The following FLT3 variants were observed in gnomAD, a reference collection of about 807,000 sequenced individuals.
FLT3 encodes fms related receptor tyrosine kinase 3.
FLT3 carries 46 observed loss-of-function variants against 126.6 expected under a neutral mutation model. That is an observed-to-expected ratio of 0.36 (90% CI 0.29 to 0.46). The LOEUF (loss-of-function observed/expected upper bound fraction) is 0.46. Among genes scored for constraint, FLT3 ranks in the 20% least tolerant of loss-of-function variants. The pLI is 1.00. For missense variants in FLT3, 1,069 were observed against 1,190.3 expected (o/e 0.90, Z 1.50); for synonymous variants, 404 against 434.4 (o/e 0.93, Z 0.87).
intron 23 of FLT3, among the ~76,000 whole-genome samples, chr13:28,008,275 C>CAAA (rs11409962): frequency 3.9e-3 from 336 of 86,264 alleles, no homozygotes; most frequent in Middle Eastern, 6.1e-3. Context: ...GAACCTGTCT[C>CAAA]AAAAAAAAAA....
chr13:28,016,214 C>G (rs938222969), intron 20 of FLT3, among the ~76,000 whole-genome samples: 1 of 152,048 alleles, frequency 6.6e-6, no homozygotes, highest in Non-Finnish European at 1.5e-5. Flanking sequence ...TAGTCTCAGA[C>G]TAGAATCAAG....
At chr13:28,085,460 G>T (rs1352405501) in intron 1 of FLT3, among the ~76,000 whole-genome samples, 4 of 151,808 alleles carry the variant, frequency 2.6e-5, no homozygotes, top group African/African-American at 9.7e-5. Flanking sequence ...TGACAATGCT[G>T]TTCAAGTCTT....
chr13:28,009,726 A>G (rs1871204492), intron 23 of FLT3, among the ~76,000 whole-genome samples: 1 of 151,766 alleles, frequency 6.6e-6, no homozygotes, highest in African/African-American at 2.4e-5. Flanking sequence ...ACGCCTGGCT[A>G]ATTTTCAAAT....
At chr13:28,022,428 C>T (rs1025809060) in intron 19 of FLT3, among the ~76,000 whole-genome samples, 3 of 152,042 alleles carry the variant, frequency 2.0e-5, no homozygotes, top group Non-Finnish European at 4.4e-5. Flanking sequence ...ATGAGAATTG[C>T]TTGAACCCAG....
At chr13:28,019,256 C>T (rs766260599) in intron 19 of FLT3, among the ~76,000 whole-genome samples, 31 of 152,250 alleles carry the variant, frequency 2.0e-4, no homozygotes, top group Middle Eastern at 3.4e-3. Context: ...CGTGAGCCAC[C>T]GCGCCTGGCC....
chr13:28,094,266 C>A (rs1468489206), intron 1 of FLT3, among the ~76,000 whole-genome samples: 1 of 152,044 alleles, frequency 6.6e-6, no homozygotes, highest in Non-Finnish European at 1.5e-5. Flanking sequence ...ATTCCAAGAC[C>A]GAATTCAGTG....
intron 1 of FLT3, among the ~76,000 whole-genome samples, chr13:28,096,888 A>G (rs1030037044): frequency 2.0e-5 from 3 of 152,086 alleles, no homozygotes; most frequent in Non-Finnish European, 4.4e-5. Context: ...AAGTTCCCCT[A>G]CCTCCATCTC....
chr13:28,096,219 A>G (rs1190683799), intron 1 of FLT3, among the ~76,000 whole-genome samples: 6 of 151,952 alleles, frequency 3.9e-5, no homozygotes, highest in Admixed American at 3.3e-4. Context: ...GTCGGGTGTC[A>G]TGGTGCATGC....
At position 28,093,227 on chromosome 13, in the gene FLT3, C is replaced by CT. The variant is rs779080122; in HGVS notation, c.43+7240dup. Among the ~76,000 whole-genome samples the CT allele has an allele frequency of 8.2e-3, 1,181 of 143,204 alleles. 8 individuals are homozygous for CT. Among genetic ancestry groups the CT allele is most frequent in the Non-Finnish European group, 0.011 (735 of 64,992 alleles). The allele number at this position is 143,204 out of a possible 152,430, so 93.9% of individuals were successfully genotyped here. On this transcript the variant is annotated intron_variant, in intron 1 of 23. Coordinates refer to ENST00000241453, the MANE Select transcript of FLT3 (RefSeq NM_004119.3). ...AGGTGTTAGCCACCACACCTGGCCTCTTTTTTTTTTTTTAATTAGAGATGG... is the reference window on the plus strand; with the variant it reads ...AGGTGTTAGCCACCACACCTGGCCTCTTTTTTTTTTTTTTAATTAGAGATGG...
chr13:28,070,437 A>C (rs1877399087), intron 2 of FLT3, 54 bp downstream of exon 2: 1 of 1,513,516 alleles, frequency 6.6e-7, no homozygotes, highest in Non-Finnish European at 9.1e-7. Flanking sequence ...ATAACTTACA[A>C]ATTACGTTCT....
At chr13:28,011,600 G>A (rs79904397) in intron 23 of FLT3, among the ~76,000 whole-genome samples, 5,289 of 149,558 alleles carry the variant, frequency 0.035, 278 homozygotes, top group African/African-American at 0.12. Context: ...GAGGCAGGCT[G>A]CATGAGCCCT....
chr13:28,019,852 G>A (rs1192289302), intron 19 of FLT3, among the ~76,000 whole-genome samples: 1 of 152,106 alleles, frequency 6.6e-6, no homozygotes, highest in Non-Finnish European at 1.5e-5. Context: ...GCCGGCTCCT[G>A]TCTCCCTCAG....
At chr13:28,096,720 TCGCA>T (rs770662754) in intron 1 of FLT3, among the ~76,000 whole-genome samples, 117 of 152,240 alleles carry the variant, frequency 7.7e-4, no homozygotes, top group Non-Finnish European at 1.2e-3. Context: ...GCATGAGCCA[TCGCA>T]CCCAGCCAGA....
intron 1 of FLT3, among the ~76,000 whole-genome samples, chr13:28,090,973 G>C (rs1476866018): frequency 6.6e-6 from 1 of 152,050 alleles, no homozygotes; most frequent in Non-Finnish European, 1.5e-5. Flanking sequence ...ACAGTACTGG[G>C]ATGGGGGTGG....
chr13:28,079,766 A>G (rs376822548), intron 1 of FLT3, among the ~76,000 whole-genome samples: 2 of 152,244 alleles, frequency 1.3e-5, no homozygotes, highest in African/African-American at 4.8e-5. Flanking sequence ...ACCAGCCCCC[A>G]CGATTCAATT....
intron 23 of FLT3, 37 bp downstream of exon 23, chr13:28,014,415 C>T (rs1346809481): frequency 1.4e-6 from 2 of 1,413,460 alleles, no homozygotes; most frequent in Admixed American, 1.7e-5. Context: ...TACCAATTTC[C>T]TTTGTAAAGC....
At position 28,054,457 on chromosome 13, in the gene FLT3, C is replaced by T. The variant is rs199831039; in HGVS notation, c.485-1783G>A. Among the ~76,000 whole-genome samples the T allele has an allele frequency of 4.4e-4, 67 of 151,738 alleles. No homozygotes were observed. In the East Asian group the frequency reaches 0.011, roughly 25 times the overall value. ...AGAATAAAGGCCGGGCAAGGTGGCT[C>T]ACGCCTGTAATCCCAGCACTTAGGG... is the stretch of plus-strand genomic sequence containing the variant. On this transcript the variant is annotated intron_variant, in intron 4 of 23. Coordinates refer to ENST00000241453, the MANE Select transcript of FLT3 (RefSeq NM_004119.3).
chr13:28,007,735 T>C (rs1593204572), intron 23 of FLT3, among the ~76,000 whole-genome samples: 1 of 152,180 alleles, frequency 6.6e-6, no homozygotes, highest in African/African-American at 2.4e-5. Flanking sequence ...TTTACTAGTC[T>C]GCTAAAGGGA....
At chr13:28,017,656 T>G (rs148721374) in intron 20 of FLT3, among the ~76,000 whole-genome samples, 146 of 147,266 alleles carry the variant, frequency 9.9e-4, no homozygotes, top group African/African-American at 3.3e-3. Context: ...CACTGTTTTT[T>G]TTGTTGTTGT....
Sources: allele counts gnomAD v4.1 joint callset (sites outside exome capture counted in the v4.1 genomes callset), GRCh38; gene constraint gnomAD v4.1.1; transcripts MANE v1.5; gene names NCBI Gene and HGNC (gene_info 2026-07-23, HGNC 2026-07-21).